FAM13C: variants seen among roughly 807,000 people sequenced by gnomAD.
FAM13C encodes family with sequence similarity 13 member C, also known as protein FAM13C.
In FAM13C, 37 loss-of-function variants were observed where a neutral mutation model predicts 73.2. That is an observed-to-expected ratio of 0.51 (90% CI 0.39 to 0.67). The LOEUF (loss-of-function observed/expected upper bound fraction) is 0.67. Among genes scored for constraint, FAM13C ranks in the 30% least tolerant of loss-of-function variants. FAM13C has a pLI of 0.00. For synonymous variants in FAM13C, 246 were observed against 260.9 expected, an observed-to-expected ratio of 0.94 and a Z score of 0.55; for missense variants, 589 against 715.6, an observed-to-expected ratio of 0.82 and a Z score of 2.02.
At chr10:59,264,310 T>C in intron 8 of FAM13C, 144 bp from the exon 9 acceptor site, 22 of 563,040 alleles carry the variant, frequency 3.9e-5, no homozygotes, top group Middle Eastern at 4.0e-4. Context: ...GGGAGAGAAA[T>C]TCGGGTGTGA....
Position 59,324,116 on chromosome 10 carries a change from G to A in FAM13C, c.325-10C>T. ...CCACATGCTCTGTCTCCTGCAAGAA[G>A]AAAGAGCAAAAGTAGATGAGCTGTC... is the stretch of plus-strand genomic sequence containing the variant. On this transcript the variant is annotated splice_polypyrimidine_tract_variant and intron_variant, in intron 3 of 13. Transcript: ENST00000618804. 1 of 1,607,002 alleles carries A rather than the reference G, an allele frequency of 6.2e-7. No homozygotes were observed.
intron 9 of FAM13C, among the ~76,000 whole-genome samples, chr10:59,263,537 A>AT (rs1225038535): frequency 6.6e-6 from 1 of 152,016 alleles, no homozygotes. Flanking sequence ...GAAGAAAATA[A>AT]TTTTTTATTG....
chr10:59,304,761 G>GAGGGAAGGGAAGGGAAGGGAAAGGA (rs1848004933), intron 4 of FAM13C, among the ~76,000 whole-genome samples: 2 of 41,132 alleles, frequency 4.9e-5, no homozygotes, highest in East Asian at 1.5e-3. Flanking sequence ...TAAATAAAAA[G>GAGGGAAGGGAAGGGAAGGGAAAGGA]AGGGAAGGGA....
intron 3 of FAM13C, among the ~76,000 whole-genome samples, chr10:59,335,815 T>C (rs1852649266): frequency 1.3e-5 from 2 of 152,340 alleles, no homozygotes; most frequent in South Asian, 2.1e-4. Flanking sequence ...CACTCTCTCA[T>C]AGGACTCATT....
chr10:59,272,548 T>G (rs1843826676), intron 6 of FAM13C, among the ~76,000 whole-genome samples: 1 of 152,118 alleles, frequency 6.6e-6, no homozygotes, highest in African/African-American at 2.4e-5. Flanking sequence ...TAAACTAAGG[T>G]GGAACCTTTG....
At chr10:59,337,360 T>C (rs1852851632) in intron 3 of FAM13C, among the ~76,000 whole-genome samples, 1 of 152,226 alleles carries the variant, frequency 6.6e-6, no homozygotes, top group African/African-American at 2.4e-5. Context: ...GACCTTTAGC[T>C]GCAGAAGTAA....
At chr10:59,360,863 A>G (rs990996923) in intron 1 of FAM13C, among the ~76,000 whole-genome samples, 7 of 127,424 alleles carry the variant, frequency 5.5e-5, no homozygotes, top group Non-Finnish European at 1.2e-4. Flanking sequence ...GAAAAAAAAA[A>G]AAAAAAAAAA....
intron 6 of FAM13C, 104 bp from the exon 7 acceptor site, chr10:59,270,213 CTT>C: frequency 2.7e-6 from 3 of 1,131,934 alleles, no homozygotes; most frequent in Non-Finnish European, 3.7e-6. Context: ...TGGCTTGCCT[CTT>C]TGTCATTTCT....
At chr10:59,327,356 A>T (rs1416956235) in intron 3 of FAM13C, among the ~76,000 whole-genome samples, 1 of 152,194 alleles carries the variant, frequency 6.6e-6, no homozygotes, top group Non-Finnish European at 1.5e-5. Context: ...AGAGTACAAA[A>T]CAAGAATAGT....
At chr10:59,320,087 A>G (rs1850020384) in intron 4 of FAM13C, among the ~76,000 whole-genome samples, 1 of 152,200 alleles carries the variant, frequency 6.6e-6, no homozygotes, top group Non-Finnish European at 1.5e-5. Context: ...GGCAAAGAGC[A>G]TAAATAAATG....
At chr10:59,308,854 A>AGCC (rs1449569726) in intron 4 of FAM13C, among the ~76,000 whole-genome samples, 17 of 152,314 alleles carry the variant, frequency 1.1e-4, no homozygotes, top group South Asian at 4.1e-4. Context: ...GTGCTGAGTC[A>AGCC]GCCTGTAGGG....
At chr10:59,260,802 T>C (rs1201070195) in intron 10 of FAM13C, among the ~76,000 whole-genome samples, 1 of 152,218 alleles carries the variant, frequency 6.6e-6, no homozygotes, top group Admixed American at 6.6e-5. Context: ...CATTTAAATC[T>C]TTTTGCAAAT....
chr10:59,345,022 T>C (rs978235184), intron 3 of FAM13C, among the ~76,000 whole-genome samples: 5 of 152,168 alleles, frequency 3.3e-5, no homozygotes, highest in Non-Finnish European at 7.3e-5. Flanking sequence ...TGGAACTATA[T>C]AGGAAAAACC....
At chr10:59,288,483 AAAG>A (rs145981688) in intron 5 of FAM13C, among the ~76,000 whole-genome samples, 13,919 of 151,798 alleles carry the variant, frequency 0.092, 831 homozygotes, top group South Asian at 0.2. Context: ...ACAGGGGGAA[AAAG>A]AAGAAGAAGA....
At chr10:59,280,721 C>A (rs1188171395) in intron 6 of FAM13C, among the ~76,000 whole-genome samples, 1 of 152,146 alleles carries the variant, frequency 6.6e-6, no homozygotes, top group Admixed American at 6.6e-5. Flanking sequence ...CCCAGGGGTA[C>A]CATGAAATGC....
At chr10:59,341,685 T>C (rs10826279) in intron 3 of FAM13C, among the ~76,000 whole-genome samples, 106,911 of 151,840 alleles carry the variant, frequency 0.7, 38,257 homozygotes, top group East Asian at 0.83. Flanking sequence ...GCAAAACTCC[T>C]CCTTCTCGAA....
chr10:59,300,494 A>T (rs2133847900), intron 5 of FAM13C, among the ~76,000 whole-genome samples: 1 of 152,314 alleles, frequency 6.6e-6, no homozygotes, highest in East Asian at 1.9e-4. Context: ...GAGAGCTAAC[A>T]TAACAAAAAG....
chr10:59,252,907 T>C lies in FAM13C; in HGVS notation c.1424A>G (p.His475Arg). The C allele has an allele frequency of 6.2e-7, 1 of 1,614,030 alleles. No individual in the cohort carries two copies. The highest frequency in any genetic ancestry group is 1.1e-5 in the South Asian group (1 of 91,072). ...DPASHLPVGD[H>R]LTYSNETEPV... is the part of the protein sequence containing the mutation. ...CTCAGTCTCATTAGAGTAGGTGAGG[T>C]GGTCACCAACAGGAAGGTGAGATGC... The change falls in exon 12 of 14, where the codon CAC (histidine) becomes CGC (arginine). Residue 475 changes from histidine (H) to arginine (R), a missense_variant. By Grantham distance (29) the His-to-Arg change is conservative. Transcript: ENST00000618804.
intron 5 of FAM13C, among the ~76,000 whole-genome samples, chr10:59,298,457 G>A (rs1408708410): frequency 1.3e-5 from 2 of 152,316 alleles, no homozygotes; most frequent in East Asian, 1.9e-4. Context: ...CACAGAGGCC[G>A]TGAACAGTTT....
Sources: allele counts gnomAD v4.1 joint callset (sites outside exome capture counted in the v4.1 genomes callset), GRCh38; gene constraint gnomAD v4.1.1; transcripts MANE v1.5; gene names NCBI Gene and HGNC (gene_info 2026-07-23, HGNC 2026-07-21).